The following CDH12 variants were observed in gnomAD, a reference collection of about 807,000 sequenced individuals.
The protein encoded by CDH12 is cadherin-12.
CDH12 carries 41 observed loss-of-function variants against 74.1 expected under a neutral mutation model. The observed-to-expected ratio is 0.55, with a 90% CI of 0.43 to 0.72. CDH12 has a LOEUF of 0.72. Ranked by LOEUF, CDH12 falls within the 30% of genes least tolerant of loss-of-function variation. The pLI, the probability that CDH12 is intolerant of heterozygous loss-of-function variation, is 0.00. For synonymous variants in CDH12, 399 were observed against 355.0 expected, an observed-to-expected ratio of 1.12 and a Z score of -1.39; for missense variants, 945 against 977.2, an observed-to-expected ratio of 0.97 and a Z score of 0.44.
intron 4 of CDH12, among the ~76,000 whole-genome samples, chr5:22,101,916 T>C (rs1426451002): frequency 6.6e-6 from 1 of 152,176 alleles, no homozygotes; most frequent in African/African-American, 2.4e-5. Context: ...TCTGCCATTG[T>C]AGCTCACAAG....
intron 3 of CDH12, among the ~76,000 whole-genome samples, chr5:22,223,497 A>G (rs1752087629): frequency 1.3e-5 from 2 of 152,028 alleles, no homozygotes; most frequent in Admixed American, 1.3e-4. Flanking sequence ...TAAGTCAGTG[A>G]CCTAATCGAT....
intron 3 of CDH12, among the ~76,000 whole-genome samples, chr5:22,238,931 A>G (rs768339102): frequency 1.3e-5 from 2 of 152,224 alleles, no homozygotes; most frequent in Non-Finnish European, 2.9e-5. Flanking sequence ...TCTTCTCAGT[A>G]TAACTACATA....
intron 3 of CDH12, among the ~76,000 whole-genome samples, chr5:22,234,921 T>C (rs1039125743): frequency 2.0e-5 from 3 of 152,090 alleles, no homozygotes; most frequent in African/African-American, 7.2e-5. Flanking sequence ...ACTAAACAAA[T>C]GTTTGTACAA....
intron 2 of CDH12, among the ~76,000 whole-genome samples, chr5:22,445,564 T>C (rs1744785323): frequency 6.6e-6 from 1 of 152,154 alleles, no homozygotes; most frequent in Non-Finnish European, 1.5e-5. Context: ...CTAAATAATA[T>C]ACCTAGTCCT....
intron 4 of CDH12, among the ~76,000 whole-genome samples, chr5:22,186,659 C>T (rs923471730): frequency 3.3e-5 from 5 of 152,062 alleles, no homozygotes; most frequent in Non-Finnish European, 5.9e-5. Flanking sequence ...TTACTGGAGG[C>T]GGCTTTTCAC....
chr5:22,032,812 A>T lies in CDH12; in HGVS notation c.231+45634T>A, dbSNP rs901162607. On this transcript the variant is annotated intron_variant, in intron 5 of 14. Transcript: ENST00000382254. ...ATATTTATATATATATAGTGTGTAT[A>T]TATACACACACACACACACACACGC... Among the ~76,000 whole-genome samples the T allele has an allele frequency of 2.0e-5, 3 of 148,704 alleles. No individual in the cohort carries two copies. In the East Asian group the frequency reaches 5.8e-4, roughly 29 times the overall value.
At position 22,065,837 on chromosome 5, in the gene CDH12, A is replaced by G. The variant is rs530343795; in HGVS notation, c.231+12609T>C. On this transcript the variant is annotated intron_variant, in intron 5 of 14. Transcript: ENST00000382254. The stretch of plus-strand genomic sequence containing the variant: ...AAGTAAGGTTGGCATGTTTACCAAT[A>G]AACCATAGTCAAAAGAGCAATCAGA... Among the ~76,000 whole-genome samples the G allele has an allele frequency of 1.1e-4, 17 of 152,352 alleles. No individual in the cohort carries two copies. In the East Asian group the frequency reaches 3.3e-3, roughly 29 times the overall value.
intron 1 of CDH12, among the ~76,000 whole-genome samples, chr5:22,659,810 G>T (rs923400291): frequency 1.3e-5 from 2 of 151,828 alleles, no homozygotes; most frequent in African/African-American, 4.8e-5. Flanking sequence ...TTAAGTTGCA[G>T]CCATTTTTCT....
intron 8 of CDH12, among the ~76,000 whole-genome samples, chr5:21,834,479 C>T (rs1209504993): frequency 6.6e-6 from 1 of 151,754 alleles, no homozygotes; most frequent in Non-Finnish European, 1.5e-5. Context: ...AAGCATGGCC[C>T]TAAAAACAGC....
At chr5:22,430,124 T>A (rs1018372879) in intron 2 of CDH12, among the ~76,000 whole-genome samples, 3 of 152,146 alleles carry the variant, frequency 2.0e-5, no homozygotes, top group African/African-American at 7.2e-5. Flanking sequence ...ATACTTACAA[T>A]CCTAATGGGG....
At chr5:22,734,841 C>A (rs1053515243) in intron 1 of CDH12, among the ~76,000 whole-genome samples, 1 of 151,886 alleles carries the variant, frequency 6.6e-6, no homozygotes, top group African/African-American at 2.4e-5. Context: ...ATAGCCACAA[C>A]ATAACATTGT....
At chr5:22,244,772 G>GAAAGAAAT in intron 3 of CDH12, among the ~76,000 whole-genome samples, 1 of 123,644 alleles carries the variant, frequency 8.1e-6, no homozygotes, top group South Asian at 2.9e-4. Flanking sequence ...AAGAAAGAAA[G>GAAAGAAAT]AAAGAAAGAA....
chr5:22,715,662 G>A (rs887689940), intron 1 of CDH12, among the ~76,000 whole-genome samples: 9 of 151,844 alleles, frequency 5.9e-5, no homozygotes, highest in African/African-American at 1.2e-4. Context: ...TTAGCCAGGC[G>A]TGGTGTCAGG....
At chr5:22,823,968 C>A (rs779113697) in intron 1 of CDH12, among the ~76,000 whole-genome samples, 10 of 152,012 alleles carry the variant, frequency 6.6e-5, no homozygotes, top group Non-Finnish European at 1.5e-4. Flanking sequence ...ACTCAAATAA[C>A]CCAAAGGTGA....
intron 4 of CDH12, among the ~76,000 whole-genome samples, chr5:22,175,943 T>A (rs536562321): frequency 0.011 from 1,710 of 152,282 alleles, 20 homozygotes; most frequent in African/African-American, 0.039. Flanking sequence ...ATGTTTATTT[T>A]CTTCCTTTCT....
At chr5:22,359,143 TAA>T (rs1369669287) in intron 3 of CDH12, among the ~76,000 whole-genome samples, 1 of 152,018 alleles carries the variant, frequency 6.6e-6, no homozygotes, top group Non-Finnish European at 1.5e-5. Context: ...GCAAACTGGA[TAA>T]AGAGTCAAGA....
At chr5:22,029,010 G>T (rs936369747) in intron 5 of CDH12, among the ~76,000 whole-genome samples, 1 of 152,156 alleles carries the variant, frequency 6.6e-6, no homozygotes, top group African/African-American at 2.4e-5. Flanking sequence ...AAGCAATGGG[G>T]AAAGGATTCC....
intron 1 of CDH12, among the ~76,000 whole-genome samples, chr5:22,768,314 C>G (rs552216896): frequency 1.3e-5 from 2 of 151,962 alleles, no homozygotes; most frequent in African/African-American, 2.4e-5. Context: ...ATAATGTATT[C>G]CAAAATAAAT....
intron 9 of CDH12, among the ~76,000 whole-genome samples, chr5:21,816,400 G>T (rs1228328661): frequency 6.6e-6 from 1 of 151,898 alleles, no homozygotes; most frequent in Non-Finnish European, 1.5e-5. Flanking sequence ...GCCGAGGCAG[G>T]TGGATCACGA....
Sources: gnomAD v4.1 joint callset for allele counts (sites outside exome capture counted in the v4.1 genomes callset) on GRCh38, gnomAD v4.1.1 for gene constraint, MANE v1.5 for transcripts, NCBI Gene and HGNC (gene_info 2026-07-23, HGNC 2026-07-21) for gene names.